OPCML: variants seen among roughly 807,000 people sequenced by gnomAD.
OPCML encodes the protein opioid binding protein/cell adhesion molecule like, also known as opioid-binding protein/cell adhesion molecule.
OPCML carries 13 observed loss-of-function variants against 37.8 expected under a neutral mutation model. That is an observed-to-expected ratio of 0.34 (90% CI 0.22 to 0.55). The LOEUF is 0.55. OPCML is among the 20% of genes least tolerant of loss of function. The pLI is 0.91. For missense variants in OPCML, 341 were observed against 435.6 expected (o/e 0.78, Z 1.93); for synonymous variants, 176 against 168.8 (o/e 1.04, Z -0.33).
At chr11:132,989,130 C>T (rs1019844790) in intron 1 of OPCML, among the ~76,000 whole-genome samples, 2 of 152,176 alleles carry the variant, frequency 1.3e-5, no homozygotes, top group African/African-American at 4.8e-5. Context: ...GCAACACCTT[C>T]CATATTTAAA....
At chr11:133,333,967 GC>G (rs1943683512) in intron 1 of OPCML, among the ~76,000 whole-genome samples, 1 of 152,192 alleles carries the variant, frequency 6.6e-6, no homozygotes, top group African/African-American at 2.4e-5. Flanking sequence ...AGTCAGAATG[GC>G]TGTTTATAAT....
intron 1 of OPCML, among the ~76,000 whole-genome samples, chr11:133,293,903 C>CACACAA (rs1942554760): frequency 1.7e-5 from 1 of 59,210 alleles, no homozygotes; most frequent in Non-Finnish European, 2.8e-5. Context: ...TTCACACACA[C>CACACAA]ACACACACAC....
intron 4 of OPCML, among the ~76,000 whole-genome samples, chr11:132,446,875 A>G (rs528594717): frequency 1.3e-5 from 2 of 152,266 alleles, no homozygotes; most frequent in East Asian, 3.9e-4. Flanking sequence ...GTCTGCAGCA[A>G]CCTACTCAAG....
chr11:132,983,009 G>T (rs1209412395), intron 1 of OPCML, among the ~76,000 whole-genome samples: 1 of 152,166 alleles, frequency 6.6e-6, no homozygotes, highest in Non-Finnish European at 1.5e-5. Context: ...GAAGGCTACT[G>T]ATTGGAACAC....
intron 1 of OPCML, among the ~76,000 whole-genome samples, chr11:133,203,301 G>A (rs1180032116): frequency 6.6e-6 from 1 of 152,230 alleles, no homozygotes; most frequent in Admixed American, 6.5e-5. Context: ...GACAAATGCA[G>A]AGACCTAGAG....
intron 1 of OPCML, among the ~76,000 whole-genome samples, chr11:133,441,653 C>T (rs905115437): frequency 6.6e-6 from 1 of 151,878 alleles, no homozygotes; most frequent in Admixed American, 6.6e-5. Flanking sequence ...GGGGAAGTTT[C>T]CTAAGTAGAC....
intron 3 of OPCML, among the ~76,000 whole-genome samples, chr11:132,655,570 C>T (rs779038750): frequency 6.6e-6 from 1 of 152,202 alleles, no homozygotes; most frequent in Non-Finnish European, 1.5e-5. Context: ...TGTCGGATGG[C>T]GTGTGTGAAC....
intron 1 of OPCML, among the ~76,000 whole-genome samples, chr11:133,346,996 A>G (rs941751966): frequency 6.6e-6 from 1 of 152,236 alleles, no homozygotes; most frequent in Non-Finnish European, 1.5e-5. Context: ...ACATTATCTT[A>G]AAAGGGTAAT....
chr11:133,347,462 G>A (rs1944029518), intron 1 of OPCML, among the ~76,000 whole-genome samples: 1 of 152,192 alleles, frequency 6.6e-6, no homozygotes. Flanking sequence ...ACCAACAGTA[G>A]GCTTGTAACA....
At chr11:133,416,161 T>C (rs1945759506) in intron 1 of OPCML, among the ~76,000 whole-genome samples, 1 of 151,908 alleles carries the variant, frequency 6.6e-6, no homozygotes, top group South Asian at 2.1e-4. Context: ...ATACTGCCTA[T>C]CTGACTGCCC....
intron 2 of OPCML, among the ~76,000 whole-genome samples, chr11:132,872,770 T>C (rs1008805811): frequency 6.6e-6 from 1 of 152,164 alleles, no homozygotes; most frequent in African/African-American, 2.4e-5. Flanking sequence ...TAAAAGAGTG[T>C]ATGAAGAGGG....
At chr11:132,492,097 C>A (rs889717832) in intron 4 of OPCML, among the ~76,000 whole-genome samples, 2 of 151,512 alleles carry the variant, frequency 1.3e-5, no homozygotes, top group African/African-American at 4.9e-5. Context: ...ATTAAGGGAG[C>A]CTGAGGCTTG....
chr11:132,942,776 G>C (rs548937191), intron 2 of OPCML, 150 bp downstream of exon 2: 1 of 981,050 alleles, frequency 1.0e-6, no homozygotes, highest in Admixed American at 2.4e-5. Flanking sequence ...CACGGCAGTC[G>C]GCACGGCAGC....
At chr11:132,615,387 G>T (rs1257571380) in intron 3 of OPCML, among the ~76,000 whole-genome samples, 3 of 152,162 alleles carry the variant, frequency 2.0e-5, no homozygotes, top group Non-Finnish European at 4.4e-5. Context: ...CCACGGCATA[G>T]GATTAATAAT....
chr11:133,018,282 C>T (rs1947376239), intron 1 of OPCML, among the ~76,000 whole-genome samples: 1 of 152,054 alleles, frequency 6.6e-6, no homozygotes, highest in Non-Finnish European at 1.5e-5. Context: ...ACTTCTGGGG[C>T]CAAAAATGGA....
intron 2 of OPCML, among the ~76,000 whole-genome samples, chr11:132,704,820 C>G (rs1364265275): frequency 6.6e-6 from 1 of 152,182 alleles, no homozygotes; most frequent in Non-Finnish European, 1.5e-5. Flanking sequence ...ATTTACAAAG[C>G]TGTAATGTAA....
intron 1 of OPCML, among the ~76,000 whole-genome samples, chr11:133,344,121 TA>T (rs1435192668): frequency 6.6e-6 from 1 of 152,180 alleles, no homozygotes; most frequent in African/African-American, 2.4e-5. Context: ...CCATTCGTCA[TA>T]ATCCATCGGG....
chr11:132,465,905 A>G (rs1171755333), intron 4 of OPCML, among the ~76,000 whole-genome samples: 2 of 152,234 alleles, frequency 1.3e-5, no homozygotes, highest in Non-Finnish European at 2.9e-5. Context: ...ACCTATACCT[A>G]TCTTTAAAGT....
chr11:132,893,642 T>C (rs1039097051), intron 2 of OPCML, among the ~76,000 whole-genome samples: 2 of 152,268 alleles, frequency 1.3e-5, no homozygotes, highest in African/African-American at 4.8e-5. Flanking sequence ...CAGCCTCTTA[T>C]GAAGGCTAAA....
Sources: allele counts gnomAD v4.1 joint callset (sites outside exome capture counted in the v4.1 genomes callset), GRCh38; gene constraint gnomAD v4.1.1; transcripts MANE v1.5; gene names NCBI Gene and HGNC (gene_info 2026-07-23, HGNC 2026-07-21).